Variants in SHROOM4 observed in about 807,000 individuals in gnomAD.
The protein encoded by SHROOM4 is protein Shroom4.
Under a neutral mutation model 80.3 loss-of-function variants are expected in SHROOM4, and 17 were observed. The observed-to-expected ratio is 0.21, with a 90% CI of 0.14 to 0.32. The LOEUF is 0.32. Ranked by LOEUF, SHROOM4 falls within the 10% of genes least tolerant of loss-of-function variation. SHROOM4 has a pLI of 1.00. For synonymous variants in SHROOM4, 400 were observed against 437.5 expected (o/e 0.91, Z 1.07); for missense variants, 993 against 1,140.3 (o/e 0.87, Z 1.86).
intron 7 of SHROOM4, among the ~76,000 whole-genome samples, chrX:50,601,444 G>A (rs1929402186): frequency 8.9e-6 from 1 of 112,121 alleles, no homozygotes; most frequent in South Asian, 3.7e-4. Flanking sequence ...GGAAATTGGA[G>A]GAAGGACTCT....
chrX:50,647,944 G>A (rs1940808880), intron 2 of SHROOM4, among the ~76,000 whole-genome samples: 1 of 112,303 alleles, frequency 8.9e-6, no homozygotes, highest in South Asian at 3.7e-4. Flanking sequence ...TGATACTGGG[G>A]AGGTGCATAG....
rs190021779 is a variant in SHROOM4, at chrX:50,721,996, G to C, written c.118-26059C>G. Reference sequence around the variant, plus strand: ...AAGTCAGGTAGGATCCAAGCAGAAAGGGCCATGATTAGCACATGTTTCACA... The same window carrying C: ...AAGTCAGGTAGGATCCAAGCAGAAACGGCCATGATTAGCACATGTTTCACA... On this transcript the variant is annotated intron_variant, in intron 1 of 8. Coordinates refer to ENST00000376020, the MANE Select transcript of SHROOM4 (RefSeq NM_020717.5). Among the ~76,000 whole-genome samples, 423 of 110,531 alleles carry C rather than the reference G, an allele frequency of 3.8e-3. 3 individuals are homozygous for C. The highest frequency in any genetic ancestry group is 4.2e-3 in the Non-Finnish European group (224 of 52,912).
chrX:50,615,097 A>ATT (rs1317496401), intron 5 of SHROOM4, among the ~76,000 whole-genome samples: 3 of 48,414 alleles, frequency 6.2e-5, no homozygotes, highest in South Asian at 2.0e-3. Context: ...AGATTCTCTT[A>ATT]TTGTGTGTGT....
chrX:50,601,259 T>C (rs1237151212), intron 7 of SHROOM4, among the ~76,000 whole-genome samples: 7 of 112,438 alleles, frequency 6.2e-5, no homozygotes, highest in African/African-American at 1.9e-4. Flanking sequence ...TTTCTGATCA[T>C]CTCTCTCTTT....
intron 2 of SHROOM4, among the ~76,000 whole-genome samples, chrX:50,690,840 G>A (rs1174091465): frequency 9.8e-5 from 11 of 111,802 alleles, no homozygotes; most frequent in Non-Finnish European, 1.7e-4. Flanking sequence ...GGTGGTGCAC[G>A]CCTGTAGTCC....
At chrX:50,779,428 T>G (rs1471389354) in intron 1 of SHROOM4, among the ~76,000 whole-genome samples, 2 of 112,395 alleles carry the variant, frequency 1.8e-5, no homozygotes, top group Non-Finnish European at 3.8e-5. Flanking sequence ...CTCACAAGCT[T>G]AGTGATACAA....
chrX:50,709,069 G>A (rs1933747406), intron 1 of SHROOM4, among the ~76,000 whole-genome samples: 1 of 111,191 alleles, frequency 9.0e-6, no homozygotes, highest in East Asian at 2.8e-4. Flanking sequence ...GGAGGAAAGA[G>A]AGGCAGCCAG....
chrX:50,709,627 A>T (rs1557264240), intron 1 of SHROOM4, among the ~76,000 whole-genome samples: 1 of 112,400 alleles, frequency 8.9e-6, no homozygotes, highest in Admixed American at 9.4e-5. Context: ...GGTTGGAGAA[A>T]AGGAGTAGTC....
intron 1 of SHROOM4, among the ~76,000 whole-genome samples, chrX:50,724,283 T>C (rs782146976): frequency 8.9e-6 from 1 of 111,993 alleles, no homozygotes; most frequent in African/African-American, 3.2e-5. Flanking sequence ...AGTTCTCTCC[T>C]TGAGCCTCCA....
At chrX:50,728,096 A>G (rs782816813) in intron 1 of SHROOM4, among the ~76,000 whole-genome samples, 1 of 112,074 alleles carries the variant, frequency 8.9e-6, no homozygotes, top group East Asian at 2.8e-4. Context: ...AGCCATAGAA[A>G]TAGCCCAAAT....
chrX:50,596,619 G>A lies in SHROOM4; in HGVS notation c.*76C>T, dbSNP rs782075563. ...CTGCTAATTGCTATCTACTTGCTGAGAAACTGCTAACAAAGAAGATTGAAA... is the reference window on the plus strand; with the variant it reads ...CTGCTAATTGCTATCTACTTGCTGAAAAACTGCTAACAAAGAAGATTGAAA... On this transcript the variant is annotated 3_prime_UTR_variant, in exon 9 of 9. Coordinates refer to ENST00000376020, the MANE Select transcript of SHROOM4 (RefSeq NM_020717.5). 15 of 1,173,849 alleles carry A rather than the reference G, an allele frequency of 1.3e-5. No individual in the cohort carries two copies. In the African/African-American group the frequency reaches 2.3e-4, roughly 18 times the overall value.
intron 1 of SHROOM4, among the ~76,000 whole-genome samples, chrX:50,726,539 T>C (rs187395296): frequency 1.5e-3 from 171 of 112,497 alleles, no homozygotes; most frequent in African/African-American, 4.9e-3. Flanking sequence ...CACTGCATTG[T>C]GCAGCCTCAG....
At chrX:50,713,145 G>A (rs1019193940) in intron 1 of SHROOM4, among the ~76,000 whole-genome samples, 9 of 111,156 alleles carry the variant, frequency 8.1e-5, no homozygotes, top group Admixed American at 1.9e-4. Flanking sequence ...GGTTCTTTAC[G>A]AGCCTGTTTA....
chrX:50,613,622 C>T (rs950205542), intron 5 of SHROOM4, among the ~76,000 whole-genome samples: 16 of 111,488 alleles, frequency 1.4e-4, no homozygotes, highest in Non-Finnish European at 2.4e-4. Context: ...AGGATCTATA[C>T]GCAAAAACTT....
At chrX:50,726,754 T>C (rs1434916274) in intron 1 of SHROOM4, among the ~76,000 whole-genome samples, 2 of 112,979 alleles carry the variant, frequency 1.8e-5, no homozygotes, top group African/African-American at 6.4e-5. Context: ...TGCCTGGATG[T>C]CCAGGCAGAA....
At chrX:50,660,969 G>A (rs1932489659) in intron 2 of SHROOM4, among the ~76,000 whole-genome samples, 1 of 110,201 alleles carries the variant, frequency 9.1e-6, no homozygotes, top group African/African-American at 3.3e-5. Context: ...TGAACTGCCT[G>A]TTCAGGTTCT....
At chrX:50,645,941 T>C (rs7049283) in intron 2 of SHROOM4, among the ~76,000 whole-genome samples, 1,878 of 111,275 alleles carry the variant, frequency 0.017, 43 homozygotes, top group African/African-American at 0.057. Context: ...GGACCAATTC[T>C]GAAAGGAGTC....
At chrX:50,768,181 T>C (rs184856091) in intron 1 of SHROOM4, among the ~76,000 whole-genome samples, 1 of 112,196 alleles carries the variant, frequency 8.9e-6, no homozygotes, top group Admixed American at 9.4e-5. Flanking sequence ...GAAATCAAAG[T>C]AGTCCCCAGA....
At chrX:50,658,833 A>T (rs1932401644) in intron 2 of SHROOM4, among the ~76,000 whole-genome samples, 1 of 111,678 alleles carries the variant, frequency 9.0e-6, no homozygotes. Flanking sequence ...AGCAGTCCGC[A>T]GGATACTGCA....
Sources: allele counts gnomAD v4.1 joint callset (sites outside exome capture counted in the v4.1 genomes callset), GRCh38; gene constraint gnomAD v4.1.1; transcripts MANE v1.5; gene names NCBI Gene and HGNC (gene_info 2026-07-23, HGNC 2026-07-21).